Variants in NR1I2 observed in about 807,000 individuals in gnomAD.
The protein encoded by NR1I2 is orphan nuclear receptor PAR1.
NR1I2 carries 42 observed loss-of-function variants against 43.3 expected under a neutral mutation model. The observed-to-expected ratio is 0.97, with a 90% confidence interval of 0.76 to 1.26. NR1I2 has a LOEUF of 1.26. Among genes scored for constraint, NR1I2 ranks in the 50% most tolerant of loss-of-function variants. NR1I2 has a pLI of 0.00. For synonymous variants in NR1I2, 229 were observed against 215.0 expected (o/e 1.06, Z -0.57); for missense variants, 559 against 566.7 (o/e 0.99, Z 0.14).
chr3:119,790,086 A>G (rs879076369), intron 1 of NR1I2, among the ~76,000 whole-genome samples: 5 of 152,114 alleles, frequency 3.3e-5, no homozygotes, highest in Admixed American at 3.3e-4. Flanking sequence ...AACAACTCCC[A>G]TTCCCCTCAC....
In NR1I2 at chr3:119,812,704, A is replaced by T. The variant is rs2055261171; in HGVS notation, c.538A>T (p.Ser180Cys). ...GTCCTAGCTGCCAGGGGTGCTTAGC[A>T]GTGGCTGCGAGTTGCCAGAGTCTCT... Residue 180 changes from serine to cysteine, a missense_variant, in exon 5 of 9, where the codon AGT (serine) becomes TGT (cysteine). Physicochemically the swap from Ser to Cys is moderately radical, Grantham distance 112. This residue lies in a region of NR1I2 where 4 missense variants were observed against 17.9 expected (regional missense o/e 0.22). Transcript: ENST00000393716. 1 of 1,614,058 alleles carries T rather than the reference A, an allele frequency of 6.2e-7. No individual in the cohort carries two copies. Among genetic ancestry groups the T allele is most frequent in the Admixed American group, 1.7e-5 (1 of 60,022 alleles).
chr3:119,791,412 C>T (rs2054917125), intron 1 of NR1I2, among the ~76,000 whole-genome samples: 1 of 152,164 alleles, frequency 6.6e-6, no homozygotes, highest in Non-Finnish European at 1.5e-5. Context: ...CTATGTAACA[C>T]CATTTGTCCC....
intron 5 of NR1I2, 121 bp from the exon 6 acceptor site, chr3:119,814,858 G>GA: frequency 8.0e-7 from 1 of 1,253,996 alleles, no homozygotes; most frequent in South Asian, 1.3e-5. Context: ...CATCCTCAGG[G>GA]AAAGGAGCCA....
chr3:119,799,985 AAC>A lies in NR1I2; in HGVS notation c.-22-7220_-22-7219del, dbSNP rs35486268. On this transcript the variant is annotated intron_variant, in intron 1 of 8. Coordinates refer to ENST00000393716, the MANE Select transcript of NR1I2 (RefSeq NM_003889.4). The stretch of plus-strand genomic sequence containing the variant: ...CAAAAAACAAACAAACAAACAAACA[AAC>A]ACACACACACACACACACACACAAA... Among the ~76,000 whole-genome samples the A allele has an allele frequency of 2.8e-3, 405 of 142,330 alleles. 2 individuals are homozygous for A. Among genetic ancestry groups the A allele is most frequent in the Non-Finnish European group, 3.5e-3 (225 of 64,198 alleles). The allele number at this position is 142,330 out of a possible 152,430, so 93.4% of individuals were successfully genotyped here.
chr3:119,783,897 G>C (rs1381311666), intron 1 of NR1I2, among the ~76,000 whole-genome samples: 2 of 152,164 alleles, frequency 1.3e-5, no homozygotes, highest in African/African-American at 2.4e-5. Flanking sequence ...TTCCATATCT[G>C]TATAGAGCTC....
At chr3:119,799,370 A>T (rs2055045184) in intron 1 of NR1I2, among the ~76,000 whole-genome samples, 1 of 151,982 alleles carries the variant, frequency 6.6e-6, no homozygotes, top group Non-Finnish European at 1.5e-5. Flanking sequence ...TTCATTTTTA[A>T]ATTGGGTTAT....
rs372035495 is a variant in NR1I2, at chr3:119,815,858, G to T, written c.1160+27G>T. 6 of 1,561,784 alleles carry T rather than the reference G, an allele frequency of 3.8e-6. No homozygotes were observed. In the East Asian group the frequency reaches 1.4e-4, roughly 36 times the overall value. ...TGAGCACAGCAGGGGGTGAGGACCC[G>T]TGAGGGTGATGTGAGGGAGCCGAGG... On this transcript the variant is annotated intron_variant, in intron 8 of 8. Transcript: ENST00000393716.
At chr3:119,807,929 C>A (rs1425030141) in intron 2 of NR1I2, among the ~76,000 whole-genome samples, 1 of 152,194 alleles carries the variant, frequency 6.6e-6, no homozygotes, top group African/African-American at 2.4e-5. Flanking sequence ...GAGCAGCTCC[C>A]ATCTCGGGAG....
At chr3:119,815,680 C>T in intron 7 of NR1I2, 46 bp from the exon 8 acceptor site, 1 of 1,514,684 alleles carries the variant, frequency 6.6e-7, no homozygotes, top group Non-Finnish European at 9.1e-7. Flanking sequence ...CTGGACTGAG[C>T]TTGTCTTTGC....
chr3:119,801,546 G>A (rs1408989896), intron 1 of NR1I2, among the ~76,000 whole-genome samples: 1 of 152,256 alleles, frequency 6.6e-6, no homozygotes, highest in African/African-American at 2.4e-5. Context: ...CATGGGAGCA[G>A]GACTGCAGCT....
chr3:119,796,232 C>T (rs774828736), intron 1 of NR1I2, among the ~76,000 whole-genome samples: 12 of 152,192 alleles, frequency 7.9e-5, no homozygotes, highest in Non-Finnish European at 1.3e-4. Context: ...CCGCACTTCA[C>T]GGCTTAATCC....
At position 119,815,372 on chromosome 3, in the gene NR1I2, G is replaced by T; in HGVS notation, c.987G>T (p.Met329Ile). ...AGCCCATGCTGAAATTCCACTACAT[G>T]CTGAAGAAGCTGCAGCTGCATGAGG... The change falls in exon 7 of 9, where the codon ATG becomes ATT. Residue 329 changes from methionine to isoleucine, a missense_variant. Met to Ile is a conservative substitution (Grantham distance 10). This residue lies in a region of NR1I2 where 323 missense variants were observed against 312.2 expected (regional missense o/e 1.03). Coordinates refer to ENST00000393716, the MANE Select transcript of NR1I2 (RefSeq NM_003889.4). The T allele has an allele frequency of 1.2e-6, 2 of 1,613,908 alleles. No homozygotes were observed. The highest frequency in any genetic ancestry group is 1.7e-6 in the Non-Finnish European group (2 of 1,180,028).
chr3:119,810,437 A>G (rs2055223706), intron 3 of NR1I2: 1 of 590,698 alleles, frequency 1.7e-6, no homozygotes, highest in African/African-American at 1.9e-5. Flanking sequence ...GCAGCCCTGG[A>G]CAGGGCGTGC....
intron 1 of NR1I2, among the ~76,000 whole-genome samples, chr3:119,791,167 A>T (rs1040203833): frequency 1.3e-5 from 2 of 152,316 alleles, no homozygotes; most frequent in African/African-American, 4.8e-5. Context: ...ATCCAGACTC[A>T]CTAGAAGAGG....
chr3:119,805,585 C>T (rs572217962), intron 1 of NR1I2, among the ~76,000 whole-genome samples: 1 of 151,958 alleles, frequency 6.6e-6, no homozygotes, highest in Non-Finnish European at 1.5e-5. Context: ...TGCCTGTAGT[C>T]CCAGCTACTC....
intron 1 of NR1I2, among the ~76,000 whole-genome samples, chr3:119,793,291 G>T (rs1010735722): frequency 1.3e-5 from 2 of 152,048 alleles, no homozygotes; most frequent in Non-Finnish European, 2.9e-5. Context: ...GAAACTTGCT[G>T]CCCACCCATT....
chr3:119,814,537 A>G (rs532113399), intron 5 of NR1I2, among the ~76,000 whole-genome samples: 55 of 152,336 alleles, frequency 3.6e-4, no homozygotes, highest in Admixed American at 2.7e-3. Context: ...TGCACTCTGG[A>G]AAGACTTCTG....
intron 1 of NR1I2, chr3:119,791,707 G>C (rs2054922190): frequency 2.7e-6 from 1 of 368,564 alleles, no homozygotes; most frequent in African/African-American, 2.1e-5. Flanking sequence ...TTGAGGTCAG[G>C]AGTTTGAGAC....
At chr3:119,782,606 C>T in intron 1 of NR1I2, 2 of 629,030 alleles carry the variant, frequency 3.2e-6, no homozygotes, top group Non-Finnish European at 5.8e-6. Context: ...CAACCAGCTC[C>T]CTGTTACAGG....
Sources: gnomAD v4.1 joint callset for allele counts (sites outside exome capture counted in the v4.1 genomes callset) on GRCh38, gnomAD v4.1.1 for gene constraint, gnomAD v4.1.1 regional missense constraint, MANE v1.5 for transcripts, NCBI Gene and HGNC (gene_info 2026-07-23, HGNC 2026-07-21) for gene names.